The following MKNK2 variants were observed in gnomAD, a reference collection of about 807,000 sequenced individuals.
The protein encoded by MKNK2 is MAP kinase-interacting serine/threonine-protein kinase 2.
A neutral mutation model predicts 55.0 loss-of-function variants in MKNK2; 54 were observed. That is an observed-to-expected ratio of 0.98 (90% CI 0.79 to 1.23). The LOEUF is 1.23. Among genes scored for constraint, MKNK2 ranks in the 50% most tolerant of loss-of-function variants. The pLI is 0.00. For synonymous variants in MKNK2, 323 were observed against 256.0 expected (o/e 1.26, Z -2.50); for missense variants, 685 against 632.1 (o/e 1.08, Z -0.90).
chr19:2,049,688 C>A (rs182220397), intron 2 of MKNK2, among the ~76,000 whole-genome samples: 53 of 152,320 alleles, frequency 3.5e-4, no homozygotes, highest in African/African-American at 1.3e-3. Flanking sequence ...TCATGCCTGG[C>A]CCTAGGAGGG....
Position 2,040,184 on chromosome 19 carries a change from C to A in MKNK2, c.1111-7G>T, listed in dbSNP as rs779262800. The A allele has an allele frequency of 8.9e-6, 14 of 1,573,070 alleles. No homozygotes were observed. In the Admixed American group the frequency reaches 1.3e-4, roughly 15 times the overall value. ...AGGTGTTCTCCGGGGCGCACTGCAA[C>A]GAGAGTGGGCGGGGGCAGGGCTGGA... is the stretch of plus-strand genomic sequence containing the variant. On this transcript the variant is annotated splice_polypyrimidine_tract_variant and splice_region_variant and intron_variant, in intron 12 of 13. Transcript: ENST00000250896.
Position 2,042,469 on chromosome 19 carries a change from G to A in MKNK2, c.708C>T (p.Asn236=). 1 of 1,594,720 alleles carries A rather than the reference G, an allele frequency of 6.3e-7. No homozygotes were observed. Among genetic ancestry groups the A allele is most frequent in the South Asian group, 1.1e-5 (1 of 87,574 alleles). The change falls in exon 10 of 14, where the codon AAC becomes AAT. Residue 236 remains asparagine, a synonymous_variant. Transcript: ENST00000250896. The part of the protein sequence containing the change: ...DFDLGSGIKL[N]GDCSPISTPE... ...GGGTGGAGATAGGGGAGCAGTCCCC[G>A]TTGAGTTTGATGCCGCTGCCCAGGT...
At chr19:2,042,125 G>C (rs2016900067) in intron 10 of MKNK2, 91 bp from the exon 11 acceptor site, 1 of 1,253,590 alleles carries the variant, frequency 8.0e-7, no homozygotes, top group East Asian at 3.0e-5. Flanking sequence ...GCGCCAGCCG[G>C]CTCGGACCCC....
chr19:2,044,745 C>T (rs1391524182), intron 5 of MKNK2, among the ~76,000 whole-genome samples: 1 of 152,240 alleles, frequency 6.6e-6, no homozygotes, highest in African/African-American at 2.4e-5. Context: ...CCACCCAGGC[C>T]GCTGCTGAAA....
chr19:2,038,393 A>T lies in MKNK2; in HGVS notation c.*1220T>A. The T allele has an allele frequency of 1.0e-6, 1 of 986,096 alleles. No individual in the cohort carries two copies. Among genetic ancestry groups the T allele is most frequent in the South Asian group, 4.7e-5 (1 of 21,376 alleles). The allele number at this position is 986,096 out of a possible 1,614,324, so 61.1% of individuals were successfully genotyped here. ...TGACCCTAGCCGCGCGCACTTCTAA[A>T]GTGGAACCCTGTATTGCATAGAACG... is the stretch of plus-strand genomic sequence containing the variant. On this transcript the variant is annotated 3_prime_UTR_variant, in exon 14 of 14. Transcript: ENST00000250896.
intron 6 of MKNK2, 52 bp downstream of exon 6, chr19:2,043,451 A>C: frequency 6.5e-7 from 1 of 1,533,200 alleles, no homozygotes; most frequent in South Asian, 1.1e-5. Context: ...CAGGCCCTTC[A>C]TCCACTGAAA....
chr19:2,043,063 G>T, intron 7 of MKNK2, 61 bp downstream of exon 7: 1 of 1,452,342 alleles, frequency 6.9e-7, no homozygotes, highest in Non-Finnish European at 9.6e-7. Context: ...GTGGCACTAG[G>T]CCCCCATCCC....
intron 5 of MKNK2, 98 bp downstream of exon 5, chr19:2,046,088 G>C: frequency 8.0e-7 from 1 of 1,252,094 alleles, no homozygotes; most frequent in Non-Finnish European, 1.1e-6. Flanking sequence ...GGTCTTCCCG[G>C]CTGTAGGACG....
chr19:2,043,635 A>G, intron 5 of MKNK2, 53 bp from the exon 6 acceptor site: 1 of 1,504,430 alleles, frequency 6.6e-7, no homozygotes, highest in Non-Finnish European at 9.2e-7. Flanking sequence ...CTCATAGTCG[A>G]GAAGGGGCCA....
chr19:2,042,424 C>G lies in MKNK2; in HGVS notation c.750+3G>C. On this transcript the variant is annotated splice_donor_region_variant and intron_variant, in intron 10 of 13. Coordinates refer to ENST00000250896, the MANE Select transcript of MKNK2 (RefSeq NM_199054.3). ...GCCCCCAGCCCTCCCCGCGGGCCCT[C>G]ACCGGAGTGAGCAGCTCCGGGGTGG... The G allele has an allele frequency of 6.4e-7, 1 of 1,571,028 alleles. No homozygotes were observed. Among genetic ancestry groups the G allele is most frequent in the Non-Finnish European group, 8.6e-7 (1 of 1,159,288 alleles).
chr19:2,041,158 T>C lies in MKNK2; in HGVS notation c.992A>G (p.Asp331Gly). 1 of 1,613,968 alleles carries C rather than the reference T, an allele frequency of 6.2e-7. No homozygotes were observed. Among genetic ancestry groups the C allele is most frequent in the Non-Finnish European group, 8.5e-7 (1 of 1,179,916 alleles). ...SIQEGKYEFPDKDWAHISCAA... is the reference protein window; with the variant it reads ...SIQEGKYEFPGKDWAHISCAA... ...GCAGGAGATGTGGGCCCAGTCCTTG[T>C]CGGGGAACTCGTACTTGCCCTCCTG... Residue 331 changes from aspartate to glycine, a missense_variant, in exon 12 of 14, where the codon GAC becomes GGC. Coordinates refer to ENST00000250896, the MANE Select transcript of MKNK2 (RefSeq NM_199054.3).
At chr19:2,046,310 A>G (rs1363941974) in intron 4 of MKNK2, 27 bp from the exon 5 acceptor site, 2 of 1,603,310 alleles carry the variant, frequency 1.2e-6, no homozygotes, top group East Asian at 2.2e-5. Context: ...CGGGCGTGAG[A>G]GGGACCCTGG....
Position 2,041,208 on chromosome 19 carries a change from G to C in MKNK2, c.946-4C>G, listed in dbSNP as rs1198485227. On this transcript the variant is annotated splice_region_variant and splice_polypyrimidine_tract_variant and intron_variant, in intron 11 of 13. Transcript: ENST00000250896. ...GGATGCTCTCAAACAGCATGTTCTG[G>C]GGACATAGAACACAGGGGAGCTTAG... 6.2e-7 allele frequency: 1 copy of C among 1,610,940 alleles called. No homozygotes were observed. The highest frequency in any genetic ancestry group is 1.1e-5 in the South Asian group (1 of 90,688).
At chr19:2,041,294 G>A (rs2016876539) in intron 11 of MKNK2, 90 bp from the exon 12 acceptor site, 2 of 1,428,116 alleles carry the variant, frequency 1.4e-6, no homozygotes, top group Non-Finnish European at 1.9e-6. Flanking sequence ...CCCCAACCAG[G>A]CCCTAGACCA....
At chr19:2,050,401 A>G (rs2145697992) in intron 2 of MKNK2, among the ~76,000 whole-genome samples, 1 of 152,320 alleles carries the variant, frequency 6.6e-6, no homozygotes, top group East Asian at 1.9e-4. Context: ...CCAGGGCACA[A>G]CCAGCTGGAG....
Position 2,039,157 on chromosome 19 carries a change from C to A in MKNK2, c.*456G>T. The A allele has an allele frequency of 1.0e-6, 1 of 996,706 alleles. No individual in the cohort carries two copies. The highest frequency in any genetic ancestry group is 1.2e-6 in the Non-Finnish European group (1 of 836,942). 61.7% of individuals were successfully genotyped at this position (996,706 alleles called of 1,614,324 possible). A position where few individuals can be genotyped will look rare whatever the true frequency, so the allele number is the denominator to read the frequency against. ...AGGGGAAGAGCCTGTCCCTGAAATA[C>A]TGCGGGCTGGGAGGGAACACGAGGG... On this transcript the variant is annotated 3_prime_UTR_variant, in exon 14 of 14. Transcript: ENST00000250896.
chr19:2,049,841 A>G (rs998186645), intron 2 of MKNK2, among the ~76,000 whole-genome samples: 1 of 152,046 alleles, frequency 6.6e-6, no homozygotes, highest in Non-Finnish European at 1.5e-5. Flanking sequence ...AGACCTGGGA[A>G]TTCTTCCCAG....
intron 12 of MKNK2, chr19:2,040,435 G>A (rs908650337): frequency 1.8e-5 from 9 of 492,810 alleles, no homozygotes; most frequent in Middle Eastern, 5.2e-4. Flanking sequence ...GAGGGTGGGG[G>A]CAGAGCCCCA....
rs1245258799 is a variant in MKNK2 at position 2,046,607 on chromosome 19, G to A, written c.136C>T (p.Pro46Ser). 2 of 1,567,034 alleles carry A rather than the reference G, an allele frequency of 1.3e-6. No homozygotes were observed. The highest frequency in any genetic ancestry group is 1.3e-5 in the African/African-American group (1 of 74,244). The change falls in exon 3 of 14, where the codon CCT (proline) becomes TCT (serine). Residue 46 changes from proline (P) to serine (S), a missense_variant. By Grantham distance (74) the Pro-to-Ser change is moderately conservative. Transcript: ENST00000250896. ...SDFGLQCSARPDMPASQPIDI... is the reference protein window; with the variant it reads ...SDFGLQCSARSDMPASQPIDI... ...TCCTCCCCCTCGGGCCCCTCACCAG[G>A]GCGGGCTGAGCACTGCAGGCCAAAG...
Sources: allele counts gnomAD v4.1 joint callset (sites outside exome capture counted in the v4.1 genomes callset), GRCh38; gene constraint gnomAD v4.1.1; transcripts MANE v1.5; gene names NCBI Gene and HGNC (gene_info 2026-07-23, HGNC 2026-07-21).